PLA2G5: variants seen among roughly 807,000 people sequenced by gnomAD.
The protein encoded by PLA2G5 is Ca2+-dependent phospholipase A2.
Under a neutral mutation model 15.9 loss-of-function variants are expected in PLA2G5, and 12 were observed. That is an observed-to-expected ratio of 0.76 (90% CI 0.48 to 1.23). The LOEUF is 1.23. Ranked by LOEUF, PLA2G5 falls within the 50% of genes most tolerant of loss-of-function variation. The pLI is 0.00. For missense variants in PLA2G5, 169 were observed against 177.1 expected, an observed-to-expected ratio of 0.95 and a Z score of 0.26; for synonymous variants, 71 against 71.4, an observed-to-expected ratio of 0.99 and a Z score of 0.03.
intron 1 of PLA2G5, among the ~76,000 whole-genome samples, chr1:20,045,677 C>T (rs1243423000): frequency 1.3e-5 from 2 of 152,168 alleles, no homozygotes; most frequent in African/African-American, 4.8e-5. Context: ...GCTGGTTGGT[C>T]TGAGGACCCA....
chr1:20,029,987 T>C (rs1464227741), intron 1 of PLA2G5, among the ~76,000 whole-genome samples: 1 of 152,198 alleles, frequency 6.6e-6, no homozygotes, highest in African/African-American at 2.4e-5. Flanking sequence ...CTGGATAAAG[T>C]TTTTGTTCCA....
Position 20,090,719 on chromosome 1 carries a change from C to G in PLA2G5, c.*27C>G. The G allele has an allele frequency of 6.2e-7, 1 of 1,612,638 alleles. No homozygotes were observed. The highest frequency in any genetic ancestry group is 8.5e-7 in the Non-Finnish European group (1 of 1,178,698). ...CCTCCCCAGCGAGCTCCTCCCAGAC[C>G]AAGACTTTTGTTCTGTTTTTCTACA... On this transcript the variant is annotated 3_prime_UTR_variant, in exon 5 of 5. Coordinates refer to ENST00000375108, the MANE Select transcript of PLA2G5 (RefSeq NM_000929.3).
At chr1:20,074,845 C>T (rs1036526865) in intron 1 of PLA2G5, among the ~76,000 whole-genome samples, 5 of 152,216 alleles carry the variant, frequency 3.3e-5, no homozygotes, top group African/African-American at 1.2e-4. Flanking sequence ...TCCTACTCCC[C>T]ACAGCCCTTC....
intron 1 of PLA2G5, among the ~76,000 whole-genome samples, chr1:20,044,729 A>G (rs746373865): frequency 2.6e-5 from 4 of 152,074 alleles, no homozygotes; most frequent in Non-Finnish European, 5.9e-5. Context: ...AGGGGAGGTG[A>G]TAGAAGGATT....
At chr1:20,042,423 G>C (rs2013653965) in intron 1 of PLA2G5, among the ~76,000 whole-genome samples, 1 of 152,168 alleles carries the variant, frequency 6.6e-6, no homozygotes, top group Non-Finnish European at 1.5e-5. Context: ...GCCTAAAACA[G>C]TAATGTCAAG....
chr1:20,054,320 G>A (rs931068091), intron 1 of PLA2G5, among the ~76,000 whole-genome samples: 2 of 152,190 alleles, frequency 1.3e-5, no homozygotes, highest in Admixed American at 1.3e-4. Flanking sequence ...TTATTCAAAG[G>A]TGAACTCACT....
intron 1 of PLA2G5, among the ~76,000 whole-genome samples, chr1:20,030,922 A>G (rs565689134): frequency 7.9e-5 from 12 of 152,348 alleles, no homozygotes; most frequent in Non-Finnish European, 1.5e-4. Context: ...TCAAGGCAGA[A>G]TAATTTTTCT....
Position 20,090,718 on chromosome 1 carries a change from C to T in PLA2G5, c.*26C>T, listed in dbSNP as rs182978716. On this transcript the variant is annotated 3_prime_UTR_variant, in exon 5 of 5. Coordinates refer to ENST00000375108, the MANE Select transcript of PLA2G5 (RefSeq NM_000929.3). ...GCCTCCCCAGCGAGCTCCTCCCAGA[C>T]CAAGACTTTTGTTCTGTTTTTCTAC... The T allele has an allele frequency of 7.7e-5, 124 of 1,612,446 alleles. No individual in the cohort carries two copies. The highest frequency in any genetic ancestry group is 1.0e-4 in the Non-Finnish European group (120 of 1,178,616).
chr1:20,084,716 G>A (rs563331226), intron 1 of PLA2G5, 105 bp from the exon 2 acceptor site: 35 of 774,888 alleles, frequency 4.5e-5, no homozygotes, highest in Admixed American at 9.3e-5. Flanking sequence ...CCACCATGAC[G>A]GGGAGTGGAA....
At chr1:20,041,986 A>C (rs1377538706) in intron 1 of PLA2G5, among the ~76,000 whole-genome samples, 1 of 152,128 alleles carries the variant, frequency 6.6e-6, no homozygotes, top group South Asian at 2.1e-4. Context: ...CAGCCTTGAG[A>C]AGAGTTTTTA....
At chr1:20,035,669 A>G (rs931071494) in intron 1 of PLA2G5, among the ~76,000 whole-genome samples, 1 of 152,204 alleles carries the variant, frequency 6.6e-6, no homozygotes, top group African/African-American at 2.4e-5. Flanking sequence ...ATTCTTATCT[A>G]TTCCACCATT....
At chr1:20,029,414 T>C (rs1208006265) in intron 1 of PLA2G5, among the ~76,000 whole-genome samples, 1 of 152,176 alleles carries the variant, frequency 6.6e-6, no homozygotes, top group East Asian at 1.9e-4. Flanking sequence ...TCCGCTGATA[T>C]GCTCCTCTCA....
At chr1:20,033,330 G>A (rs1308932233) in intron 1 of PLA2G5, among the ~76,000 whole-genome samples, 1 of 152,204 alleles carries the variant, frequency 6.6e-6, no homozygotes, top group Non-Finnish European at 1.5e-5. Flanking sequence ...AGTCTAAGAG[G>A]TCCAGGCAGG....
chr1:20,079,195 A>G (rs536197883), intron 1 of PLA2G5, among the ~76,000 whole-genome samples: 2 of 151,994 alleles, frequency 1.3e-5, no homozygotes, highest in African/African-American at 2.4e-5. Flanking sequence ...AATTAACAGA[A>G]GTAGAAAATG....
intron 1 of PLA2G5, among the ~76,000 whole-genome samples, chr1:20,049,815 A>T (rs148442039): frequency 1.1e-4 from 16 of 152,268 alleles, no homozygotes; most frequent in African/African-American, 3.4e-4. Flanking sequence ...TACAAACCCA[A>T]AGTTCAACTT....
intron 1 of PLA2G5, among the ~76,000 whole-genome samples, chr1:20,059,120 CA>C (rs34667227): frequency 0.14 from 11,876 of 82,944 alleles, 815 homozygotes; most frequent in African/African-American, 0.33. Context: ...GAGACTGTCT[CA>C]AAAAAAAAAA....
chr1:20,050,216 A>ACT (rs948869579), intron 1 of PLA2G5, among the ~76,000 whole-genome samples: 1 of 152,130 alleles, frequency 6.6e-6, no homozygotes, highest in African/African-American at 2.4e-5. Context: ...CAGGGCTTTG[A>ACT]CTCCTGGGTC....
At position 20,090,598 on chromosome 1, in the gene PLA2G5, G is replaced by A. The variant is rs760607063; in HGVS notation, c.323G>A (p.Cys108Tyr). 1 of 1,614,062 alleles carries A rather than the reference G, an allele frequency of 6.2e-7. No homozygotes were observed. Among genetic ancestry groups the A allele is most frequent in the Non-Finnish European group, 8.5e-7 (1 of 1,179,974 alleles). ...GGGCCCTTCTGCCATGTGAACCTCT[G>A]TGCCTGTGACCGGAAGCTCGTCTAC... Reference protein sequence around the residue: ...EPGPFCHVNLCACDRKLVYCL... With the variant: ...EPGPFCHVNLYACDRKLVYCL... The change falls in exon 5 of 5, where the codon TGT becomes TAT. Residue 108 changes from cysteine to tyrosine, a missense_variant. Physicochemically the swap from Cys to Tyr is radical, Grantham distance 194. Coordinates refer to ENST00000375108, the MANE Select transcript of PLA2G5 (RefSeq NM_000929.3).
intron 1 of PLA2G5, among the ~76,000 whole-genome samples, chr1:20,082,326 G>T (rs11573257): frequency 1.3e-5 from 2 of 151,934 alleles, no homozygotes; most frequent in South Asian, 4.2e-4. Context: ...TGACCTGCCA[G>T]CACTTGGGAG....
Sources: allele counts gnomAD v4.1 joint callset (sites outside exome capture counted in the v4.1 genomes callset), GRCh38; gene constraint gnomAD v4.1.1; transcripts MANE v1.5; gene names NCBI Gene and HGNC (gene_info 2026-07-23, HGNC 2026-07-21).